TMTC4: variants seen among roughly 807,000 people sequenced by gnomAD.
TMTC4 encodes transmembrane O-mannosyltransferase targeting cadherins 4, also known as protein O-mannosyl-transferase TMTC4.
Under a neutral mutation model 86.0 loss-of-function variants are expected in TMTC4, and 65 were observed. The ratio of observed to expected loss-of-function variants is 0.76; its 90% CI spans 0.62 to 0.93. The LOEUF (loss-of-function observed/expected upper bound fraction) is 0.93, where lower values mean the gene tolerates loss of function less well. Among genes scored for constraint, TMTC4 ranks in the 40% least tolerant of loss-of-function variants. The probability of loss-of-function intolerance (pLI) is 0.00; values close to 1 mark genes in which losing one functional copy is unlikely to be tolerated. For missense variants in TMTC4, 866 were observed against 948.1 expected, an observed-to-expected ratio of 0.91 and a Z score of 1.14; for synonymous variants, 379 against 382.5, an observed-to-expected ratio of 0.99 and a Z score of 0.11.
chr13:100,674,260 G>T (rs903933791), intron 1 of TMTC4: 1 of 979,426 alleles, frequency 1.0e-6, no homozygotes, highest in African/African-American at 1.8e-5. Context: ...CGGGGGAGCC[G>T]CCGCGGAACC....
At chr13:100,654,974 T>G (rs1566627466) in intron 6 of TMTC4, among the ~76,000 whole-genome samples, 1 of 151,818 alleles carries the variant, frequency 6.6e-6, no homozygotes, top group South Asian at 2.1e-4. Flanking sequence ...AATGGCACTT[T>G]CAGAAACTTT....
chr13:100,635,140 G>A lies in TMTC4; in HGVS notation c.1258C>T (p.Leu420=). 6.2e-7 allele frequency: 1 copy of A among 1,613,918 alleles called. No homozygotes were observed. Among genetic ancestry groups the A allele is most frequent in the East Asian group, 2.2e-5 (1 of 44,876 alleles). ...LVIPFLPASN[L]FFRVGFVVAE... ...ACCACGAAGCCCACTCGGAAGAACA[G>A]GTTACTCGCGGGGAGAAATGGGATA... is the stretch of plus-strand genomic sequence containing the variant. Residue 420 remains leucine, a synonymous_variant, in exon 11 of 19, where the codon CTG becomes TTG. Coordinates refer to ENST00000342624, the MANE Select transcript of TMTC4 (RefSeq NM_032813.5).
At chr13:100,624,664 A>T (rs960393588) in intron 15 of TMTC4, among the ~76,000 whole-genome samples, 7 of 152,234 alleles carry the variant, frequency 4.6e-5, no homozygotes, top group African/African-American at 1.7e-4. Flanking sequence ...GAACACGAGG[A>T]TGCCTTCCTA....
chr13:100,620,145 C>CA, intron 15 of TMTC4, among the ~76,000 whole-genome samples: 1 of 152,318 alleles, frequency 6.6e-6, no homozygotes, highest in East Asian at 1.9e-4. Flanking sequence ...AATCACCCAG[C>CA]AGTCCTACGC....
chr13:100,663,570 A>G (rs954093818), intron 4 of TMTC4, among the ~76,000 whole-genome samples: 1 of 152,182 alleles, frequency 6.6e-6, no homozygotes, highest in African/African-American at 2.4e-5. Context: ...AGACAGTCTT[A>G]TAACTTGCTT....
chr13:100,625,262 G>C, intron 15 of TMTC4: 1 of 435,294 alleles, frequency 2.3e-6, no homozygotes, highest in Non-Finnish European at 4.2e-6. Flanking sequence ...TTTACAGGGC[G>C]GACGGGACTT....
chr13:100,611,297 A>G (rs1877527378), intron 17 of TMTC4, among the ~76,000 whole-genome samples: 1 of 152,242 alleles, frequency 6.6e-6, no homozygotes, highest in South Asian at 2.1e-4. Context: ...CTAAAAATGC[A>G]TATTCCAGCT....
chr13:100,653,854 G>C (rs1260056447), intron 6 of TMTC4, among the ~76,000 whole-genome samples: 1 of 152,186 alleles, frequency 6.6e-6, no homozygotes, highest in African/African-American at 2.4e-5. Flanking sequence ...GACACAAAAT[G>C]CACGCCCAAC....
intron 1 of TMTC4, among the ~76,000 whole-genome samples, chr13:100,673,711 T>C (rs561521546): frequency 2.2e-4 from 33 of 152,316 alleles, no homozygotes; most frequent in African/African-American, 7.9e-4. Flanking sequence ...ATAGCAAGAA[T>C]GTGTGTGGTT....
intron 15 of TMTC4, among the ~76,000 whole-genome samples, chr13:100,616,062 A>AT (rs58508488): frequency 0.1 from 15,047 of 146,780 alleles, 1,006 homozygotes; most frequent in Middle Eastern, 0.17. Flanking sequence ...AAAGGACATG[A>AT]TTTTTTTTTT....
intron 5 of TMTC4, among the ~76,000 whole-genome samples, chr13:100,658,927 G>A (rs1885438283): frequency 6.6e-6 from 1 of 152,194 alleles, no homozygotes; most frequent in Admixed American, 6.5e-5. Flanking sequence ...ACTACCCAAG[G>A]AGAGGGACTG....
upstream of TMTC4, chr13:100,674,928 C>T: frequency 1.0e-6 from 1 of 985,428 alleles, no homozygotes; most frequent in Non-Finnish European, 1.2e-6. Context: ...CGGCCCGCCC[C>T]CTCCGCCCGA....
chr13:100,628,874 C>T (rs943750259), intron 12 of TMTC4, among the ~76,000 whole-genome samples: 7 of 152,190 alleles, frequency 4.6e-5, no homozygotes, highest in South Asian at 2.1e-4. Flanking sequence ...GTTGGCCGGG[C>T]GCAGTGCCTC....
intron 16 of TMTC4, among the ~76,000 whole-genome samples, chr13:100,612,892 T>C (rs558273211): frequency 3.8e-4 from 58 of 152,346 alleles, no homozygotes; most frequent in African/African-American, 1.4e-3. Context: ...CATTGAAGTA[T>C]ACATTCTATA....
chr13:100,642,116 A>G, intron 7 of TMTC4, 95 bp downstream of exon 7: 4 of 1,288,146 alleles, frequency 3.1e-6, no homozygotes, highest in Non-Finnish European at 4.4e-6. Context: ...GTAGGCGTGG[A>G]GAACGCCACA....
In TMTC4 at chr13:100,630,061, GTGTGTA is replaced by G. The variant is rs1441424797; in HGVS notation, c.1507-3917_1507-3912del. ...TGTGTGTGTGTGTGTGTGTGTGTGT[GTGTGTA>G]TGTGTGTGTGTGTGTTTATAGCAGC... On this transcript the variant is annotated intron_variant, in intron 12 of 18. Coordinates refer to ENST00000342624, the MANE Select transcript of TMTC4 (RefSeq NM_032813.5). Among the ~76,000 whole-genome samples, 574 of 148,260 alleles carry G rather than the reference GTGTGTA, an allele frequency of 3.9e-3. 4 individuals carry two copies. Among genetic ancestry groups the G allele is most frequent in the African/African-American group, 0.013 (515 of 38,766 alleles).
chr13:100,633,312 G>GAAA (rs10523073), intron 12 of TMTC4, among the ~76,000 whole-genome samples: 1 of 79,572 alleles, frequency 1.3e-5, no homozygotes, highest in African/African-American at 4.8e-5. Context: ...CCATCTCAGG[G>GAAA]AAAAAAAAAA....
chr13:100,633,770 C>T (rs960782856), intron 12 of TMTC4, among the ~76,000 whole-genome samples: 1 of 152,168 alleles, frequency 6.6e-6, no homozygotes, highest in African/African-American at 2.4e-5. Context: ...ACCTGTGTAG[C>T]GTGTGACTGT....
In TMTC4 at chr13:100,670,352, G is replaced by C; in HGVS notation, c.3+8C>G. The C allele has an allele frequency of 6.2e-7, 1 of 1,609,036 alleles. No homozygotes were observed. The highest frequency in any genetic ancestry group is 8.5e-7 in the Non-Finnish European group (1 of 1,178,052). On this transcript the variant is annotated splice_region_variant and intron_variant, in intron 2 of 18. Coordinates refer to ENST00000342624, the MANE Select transcript of TMTC4 (RefSeq NM_032813.5). Reference sequence around the variant, plus strand: ...ATGGAGACAGATCCAACAGGCAACGGGACACACCATTCCATGGTGATGCTG... The same window carrying C: ...ATGGAGACAGATCCAACAGGCAACGCGACACACCATTCCATGGTGATGCTG...
Sources: allele counts gnomAD v4.1 joint callset (sites outside exome capture counted in the v4.1 genomes callset), GRCh38; gene constraint gnomAD v4.1.1; transcripts MANE v1.5; gene names NCBI Gene and HGNC (gene_info 2026-07-23, HGNC 2026-07-21).